Variants in EPHA6 observed in about 807,000 individuals in gnomAD.
EPHA6 encodes the protein ephrin type-A receptor 6.
Under a neutral mutation model 112.0 loss-of-function variants are expected in EPHA6, and 50 were observed. That is an observed-to-expected ratio of 0.45 (90% CI 0.36 to 0.56). EPHA6 has a LOEUF of 0.56. Among genes scored for constraint, EPHA6 ranks in the 20% least tolerant of loss-of-function variants. The pLI, the probability that EPHA6 is intolerant of heterozygous loss-of-function variation, is 0.00. For missense variants in EPHA6, 1,280 were observed against 1,417.4 expected (o/e 0.90, Z 1.56); for synonymous variants, 529 against 490.7 (o/e 1.08, Z -1.03).
chr3:97,078,123 T>A (rs1244532037), intron 3 of EPHA6, among the ~76,000 whole-genome samples: 2 of 152,312 alleles, frequency 1.3e-5, no homozygotes, highest in East Asian at 3.9e-4. Context: ...GTGGTTTTGA[T>A]TTGCATTTCT....
chr3:97,592,771 A>T (rs750404264), intron 12 of EPHA6, 34 bp downstream of exon 12: 134 of 1,550,496 alleles, frequency 8.6e-5, no homozygotes, highest in Non-Finnish European at 1.1e-4. Context: ...CTGCCACCAT[A>T]TACAGCAGTA....
At chr3:97,076,052 A>G (rs563757296) in intron 3 of EPHA6, among the ~76,000 whole-genome samples, 1 of 152,164 alleles carries the variant, frequency 6.6e-6, no homozygotes, top group East Asian at 1.9e-4. Flanking sequence ...AGGCCAATTA[A>G]TTACCCTACA....
At chr3:97,163,700 G>T (rs1203107467) in intron 3 of EPHA6, among the ~76,000 whole-genome samples, 1 of 152,140 alleles carries the variant, frequency 6.6e-6, no homozygotes, top group East Asian at 1.9e-4. Context: ...CTAATTCCCT[G>T]AGATGGGGAT....
At chr3:97,182,985 A>G (rs6439027) in intron 3 of EPHA6, among the ~76,000 whole-genome samples, 7,931 of 152,204 alleles carry the variant, frequency 0.052, 707 homozygotes, top group African/African-American at 0.18. Context: ...AGAAGAAAAC[A>G]GAGATTTTAA....
intron 3 of EPHA6, among the ~76,000 whole-genome samples, chr3:96,996,858 C>T (rs2043443141): frequency 6.6e-6 from 1 of 152,044 alleles, no homozygotes; most frequent in African/African-American, 2.4e-5. Context: ...ACAAGAGATC[C>T]AGCCTGTCCT....
At chr3:97,614,501 A>ATTTTTT (rs35126699) in intron 13 of EPHA6, among the ~76,000 whole-genome samples, 23 of 98,234 alleles carry the variant, frequency 2.3e-4, no homozygotes, top group African/African-American at 6.6e-4. Context: ...CACCCAGCTA[A>ATTTTTT]TTTTTTTTTT....
intron 5 of EPHA6, among the ~76,000 whole-genome samples, chr3:97,272,621 T>G (rs2079925677): frequency 6.6e-6 from 1 of 150,900 alleles, no homozygotes; most frequent in South Asian, 2.1e-4. Flanking sequence ...TAAAGGAAAA[T>G]TACAGTCAAA....
chr3:97,232,997 T>C (rs550655070), intron 4 of EPHA6, among the ~76,000 whole-genome samples: 11 of 152,284 alleles, frequency 7.2e-5, no homozygotes, highest in African/African-American at 2.6e-4. Flanking sequence ...TTGCCTCTTA[T>C]GTACCTGCTT....
chr3:97,143,947 T>C (rs2075974037), intron 3 of EPHA6, among the ~76,000 whole-genome samples: 1 of 150,846 alleles, frequency 6.6e-6, no homozygotes, highest in African/African-American at 2.5e-5. Flanking sequence ...TGTTTTGAGA[T>C]AATTCTCAAC....
intron 14 of EPHA6, among the ~76,000 whole-genome samples, chr3:97,654,334 T>C (rs2094124978): frequency 6.6e-6 from 1 of 151,944 alleles, no homozygotes; most frequent in Non-Finnish European, 1.5e-5. Context: ...GATAAGTAAT[T>C]ACAATCTGAG....
At chr3:96,857,209 T>C (rs2035749749) in intron 1 of EPHA6, among the ~76,000 whole-genome samples, 1 of 152,188 alleles carries the variant, frequency 6.6e-6, no homozygotes, top group Non-Finnish European at 1.5e-5. Context: ...AAAATGTCTT[T>C]ATCCTTTCTT....
At chr3:97,316,282 T>A (rs1281317773) in intron 5 of EPHA6, among the ~76,000 whole-genome samples, 1 of 151,642 alleles carries the variant, frequency 6.6e-6, no homozygotes, top group African/African-American at 2.4e-5. Flanking sequence ...GAAGAAAAAA[T>A]AATAATATTG....
At chr3:97,347,769 G>A (rs1342914780) in intron 5 of EPHA6, among the ~76,000 whole-genome samples, 2 of 151,950 alleles carry the variant, frequency 1.3e-5, no homozygotes, top group Non-Finnish European at 2.9e-5. Flanking sequence ...GAAGTATTTT[G>A]TCAACTGAAA....
At chr3:96,855,683 G>GA (rs764764086) in intron 1 of EPHA6, among the ~76,000 whole-genome samples, 8,164 of 132,208 alleles carry the variant, frequency 0.062, 308 homozygotes, top group African/African-American at 0.12. Context: ...CTTTGAAAAT[G>GA]AAAAAAAAAA....
chr3:97,514,983 C>T (rs1352236526), intron 10 of EPHA6, among the ~76,000 whole-genome samples: 1 of 152,196 alleles, frequency 6.6e-6, no homozygotes, highest in Non-Finnish European at 1.5e-5. Flanking sequence ...CAGACTAATA[C>T]AGCAGATGAC....
chr3:97,482,618 T>G (rs1448897132), intron 9 of EPHA6, among the ~76,000 whole-genome samples: 1 of 152,218 alleles, frequency 6.6e-6, no homozygotes, highest in African/African-American at 2.4e-5. Flanking sequence ...ATAGAAGGAC[T>G]AAGGAAGCAA....
chr3:97,138,921 G>A (rs1261972512), intron 3 of EPHA6, among the ~76,000 whole-genome samples: 1 of 152,126 alleles, frequency 6.6e-6, no homozygotes, highest in Admixed American at 6.5e-5. Context: ...CTGGATTTGG[G>A]GTGTGAAACC....
chr3:97,072,153 T>C (rs2046379276), intron 3 of EPHA6, among the ~76,000 whole-genome samples: 1 of 152,038 alleles, frequency 6.6e-6, no homozygotes, highest in African/African-American at 2.4e-5. Flanking sequence ...CAAATGCCCA[T>C]CAATAGATAA....
intron 3 of EPHA6, among the ~76,000 whole-genome samples, chr3:97,159,289 T>A (rs146241214): frequency 1.3e-5 from 2 of 152,244 alleles, no homozygotes; most frequent in Non-Finnish European, 2.9e-5. Context: ...AACTCACTTA[T>A]TTTTTGAGCC....
Sources: gnomAD v4.1 joint callset for allele counts (sites outside exome capture counted in the v4.1 genomes callset) on GRCh38, gnomAD v4.1.1 for gene constraint, MANE v1.5 for transcripts, NCBI Gene and HGNC (gene_info 2026-07-23, HGNC 2026-07-21) for gene names.